The following TAS2R1 variants were observed in gnomAD, a reference collection of about 807,000 sequenced individuals.
TAS2R1 encodes the protein taste 2 receptor member 1, also known as taste receptor type 2 member 1.
For missense variants in TAS2R1, 370 were observed against 353.4 expected, an observed-to-expected ratio of 1.05 and a Z score of -0.38; for synonymous variants, 141 against 134.2, an observed-to-expected ratio of 1.05 and a Z score of -0.35.
intron 1 of TAS2R1, among the ~76,000 whole-genome samples, chr5:9,706,836 T>C (rs1741625398): frequency 6.6e-6 from 1 of 151,978 alleles, no homozygotes; most frequent in African/African-American, 2.4e-5. Flanking sequence ...CTTAAGCAGG[T>C]GGTAGAATTT....
chr5:9,842,472 C>A, the TAS2R1 span, among the ~76,000 whole-genome samples: 1 of 151,922 alleles, frequency 6.6e-6, no homozygotes, highest in African/African-American at 2.4e-5. Flanking sequence ...AAGTGCCCAC[C>A]ACCACGGCCG....
At chr5:9,854,868 T>C in the TAS2R1 span, among the ~76,000 whole-genome samples, 3 of 152,236 alleles carry the variant, frequency 2.0e-5, no homozygotes, top group Non-Finnish European at 4.4e-5. Flanking sequence ...TTGAAGATCC[T>C]ACATAAAAAG....
At chr5:9,827,655 C>A in the TAS2R1 span, among the ~76,000 whole-genome samples, 2 of 151,742 alleles carry the variant, frequency 1.3e-5, no homozygotes, top group East Asian at 3.9e-4. Flanking sequence ...TTGTGGCATG[C>A]ACTTGTAGTC....
At chr5:9,843,105 T>C in the TAS2R1 span, among the ~76,000 whole-genome samples, 1 of 152,174 alleles carries the variant, frequency 6.6e-6, no homozygotes, top group Non-Finnish European at 1.5e-5. Context: ...TTCCTGTCTT[T>C]TTTAACCTCT....
At chr5:9,723,305 G>A in the TAS2R1 span, among the ~76,000 whole-genome samples, 5 of 152,132 alleles carry the variant, frequency 3.3e-5, no homozygotes, top group African/African-American at 9.7e-5. Flanking sequence ...CTTCATTATC[G>A]TGGGCTTCTA....
the TAS2R1 span, among the ~76,000 whole-genome samples, chr5:9,856,830 C>T: frequency 1.3e-5 from 2 of 152,198 alleles, no homozygotes; most frequent in African/African-American, 4.8e-5. Context: ...GATATCTGCA[C>T]TCCCATGTTT....
At chr5:9,899,671 CA>C in the TAS2R1 span, among the ~76,000 whole-genome samples, 2 of 150,104 alleles carry the variant, frequency 1.3e-5, no homozygotes, top group African/African-American at 4.9e-5. Flanking sequence ...GTGAAAATTT[CA>C]AATAAGCAGC....
In TAS2R1 at chr5:9,651,518, T is replaced by A. The variant is rs73743130; in HGVS notation, c.-81+7903A>T. On this transcript the variant is annotated intron_variant, in intron 2 of 2. Coordinates refer to the TAS2R1 transcript ENST00000506620. ...AAGAAGATAAATTGAGAAATGATGATTCATATTCCCAAAGATTTTTTTCAT... is the reference window on the plus strand; with the variant it reads ...AAGAAGATAAATTGAGAAATGATGAATCATATTCCCAAAGATTTTTTTCAT... Among the ~76,000 whole-genome samples, 1,212 of 152,308 alleles carry A rather than the reference T, an allele frequency of 8.0e-3. 17 individuals are homozygous for A. The highest frequency in any genetic ancestry group is 0.027 in the African/African-American group (1,108 of 41,572).
chr5:9,817,853 A>G, the TAS2R1 span, among the ~76,000 whole-genome samples: 2 of 146,992 alleles, frequency 1.4e-5, no homozygotes, highest in African/African-American at 5.0e-5. Context: ...CTTGTCTTAC[A>G]TGGAGGCAGG....
At chr5:9,683,464 G>A (rs878963237) in intron 1 of TAS2R1, among the ~76,000 whole-genome samples, 2 of 152,126 alleles carry the variant, frequency 1.3e-5, no homozygotes, top group African/African-American at 2.4e-5. Context: ...CAGAGTCCTC[G>A]AGGCCAGTGG....
chr5:9,880,716 G>A, the TAS2R1 span, among the ~76,000 whole-genome samples: 27 of 152,174 alleles, frequency 1.8e-4, no homozygotes, highest in African/African-American at 6.5e-4. Flanking sequence ...ACAGACGCTG[G>A]GATACTAATT....
At chr5:9,720,077 T>C in the TAS2R1 span, among the ~76,000 whole-genome samples, 2 of 152,186 alleles carry the variant, frequency 1.3e-5, no homozygotes, top group African/African-American at 2.4e-5. Context: ...CTTATTTAGA[T>C]CTCATCTTAC....
chr5:9,785,924 C>T, the TAS2R1 span, among the ~76,000 whole-genome samples: 1 of 152,170 alleles, frequency 6.6e-6, no homozygotes, highest in Non-Finnish European at 1.5e-5. Context: ...AACCCACCCT[C>T]CAAAGTTATA....
chr5:9,675,584 T>A (rs1209996877), intron 1 of TAS2R1, among the ~76,000 whole-genome samples: 1 of 151,904 alleles, frequency 6.6e-6, no homozygotes. Flanking sequence ...ACCCAGCTAA[T>A]TTTTGTATTT....
intron 2 of TAS2R1, among the ~76,000 whole-genome samples, chr5:9,648,335 A>C (rs1740236470): frequency 6.6e-6 from 1 of 152,134 alleles, no homozygotes; most frequent in Admixed American, 6.6e-5. Context: ...AAAACTAAGA[A>C]ATCTGTTTTT....
intron 1 of TAS2R1, among the ~76,000 whole-genome samples, chr5:9,684,807 T>C (rs1741093530): frequency 6.6e-6 from 1 of 152,216 alleles, no homozygotes; most frequent in Admixed American, 6.5e-5. Flanking sequence ...TGTATCAAAA[T>C]CTCACTCTGT....
chr5:9,652,222 C>G (rs950693716), intron 2 of TAS2R1, among the ~76,000 whole-genome samples: 1 of 152,198 alleles, frequency 6.6e-6, no homozygotes, highest in African/African-American at 2.4e-5. Flanking sequence ...TCCAGAAAGA[C>G]GTTCACCAAA....
At chr5:9,704,262 T>C (rs1438742154) in intron 1 of TAS2R1, among the ~76,000 whole-genome samples, 2 of 152,130 alleles carry the variant, frequency 1.3e-5, no homozygotes, top group Non-Finnish European at 2.9e-5. Context: ...ATTTTCTGCA[T>C]TACCATTTCT....
chr5:9,652,853 T>TA, intron 2 of TAS2R1, among the ~76,000 whole-genome samples: 1 of 152,288 alleles, frequency 6.6e-6, no homozygotes, highest in South Asian at 2.1e-4. Flanking sequence ...TTTACTTTTC[T>TA]AAAAAATATT....
Sources: gnomAD v4.1 joint callset for allele counts (sites outside exome capture counted in the v4.1 genomes callset) on GRCh38, gnomAD v4.1.1 for gene constraint, MANE v1.5 for transcripts, NCBI Gene and HGNC (gene_info 2026-07-23, HGNC 2026-07-21) for gene names.